BLM: variants seen among roughly 807,000 people sequenced by gnomAD.
BLM encodes the protein recQ-like DNA helicase BLM.
Under a neutral mutation model 135.3 loss-of-function variants are expected in BLM, and 95 were observed. The observed-to-expected ratio is 0.70, with a 90% CI of 0.59 to 0.83. BLM has a LOEUF of 0.83. BLM is among the 40% of genes least tolerant of loss of function. The pLI, the probability that BLM is intolerant of heterozygous loss-of-function variation, is 0.00. For synonymous variants in BLM, 520 were observed against 589.2 expected, an observed-to-expected ratio of 0.88 and a Z score of 1.70; for missense variants, 1,518 against 1,663.9, an observed-to-expected ratio of 0.91 and a Z score of 1.53.
rs919106436 is a variant in BLM, at chr15:90,815,304, C to T, written c.*25C>T. On this transcript the variant is annotated 3_prime_UTR_variant, in exon 22 of 22. Transcript: ENST00000355112. This position sits in a 1 kb window ranked among gnomAD's most constrained non-coding sequence, Gnocchi z 4.6. Reference sequence around the variant, plus strand: ...ACAACCGAATCTCAATGTACATAGACCCTCTTTCTTGTTTGTCAGCATCTG... The same window carrying T: ...ACAACCGAATCTCAATGTACATAGATCCTCTTTCTTGTTTGTCAGCATCTG... 2 of 1,607,852 alleles carry T rather than the reference C, an allele frequency of 1.2e-6. No individual in the cohort carries two copies. Among genetic ancestry groups the T allele is most frequent in the Middle Eastern group, 1.7e-4 (1 of 6,058 alleles).
chr15:90,765,211 T>C, intron 8 of BLM, 85 bp from the exon 9 acceptor site: 5 of 1,098,986 alleles, frequency 4.5e-6, no homozygotes, highest in East Asian at 2.4e-5. Context: ...TGGTGTCCTA[T>C]TAATGATATG....
Position 90,760,235 on chromosome 15 carries a change from A to G in BLM, c.1176A>G (p.Lys392=). 6.2e-7 allele frequency: 1 copy of G among 1,614,112 alleles called. No individual in the cohort carries two copies. The highest frequency in any genetic ancestry group is 8.5e-7 in the Non-Finnish European group (1 of 1,180,008). Residue 392 remains lysine (K), a synonymous_variant, in exon 6 of 22, where the codon AAA becomes AAG. Coordinates refer to ENST00000355112, the MANE Select transcript of BLM (RefSeq NM_000057.4). ...LIDTIPDDKL[K]LLDCGNELLQ... ...ATACTATTCCTGATGATAAACTGAA[A>G]CTTTTGGATTGTGGGAACGAACTGC...
chr15:90,815,395 A>T lies in BLM; in HGVS notation c.*116A>T. 1 of 1,119,022 alleles carries T rather than the reference A, an allele frequency of 8.9e-7. No individual in the cohort carries two copies. Among genetic ancestry groups the T allele is most frequent in the Non-Finnish European group, 1.3e-6 (1 of 764,906 alleles). 69.3% of individuals were successfully genotyped at this position (1,119,022 alleles called of 1,614,324 possible). On this transcript the variant is annotated 3_prime_UTR_variant, in exon 22 of 22. Transcript: ENST00000355112. This position sits in a 1 kb window ranked among gnomAD's most constrained non-coding sequence, Gnocchi z 4.6. ...TTGAAGTTTTTACTCGTCTCTATTA[A>T]TATTTAAATAAATGCTGGGGGGTGA...
At chr15:90,753,186 G>C (rs1248913762) in intron 4 of BLM, among the ~76,000 whole-genome samples, 1 of 152,078 alleles carries the variant, frequency 6.6e-6, no homozygotes, top group Non-Finnish European at 1.5e-5. Context: ...AGTATGCTGT[G>C]ATTATGCCTG....
Position 90,763,004 on chromosome 15 carries a change from C to A in BLM, c.1921C>A (p.His641Asn). The change falls in exon 8 of 22, where the codon CAT becomes AAT. Residue 641 changes from histidine (H) to asparagine (N), a missense_variant. Physicochemically the swap from His to Asn is moderately conservative, Grantham distance 68. Transcript: ENST00000355112. ...AQNLASRNLK[H>N]ERFQSLSFPH... is the part of the protein sequence containing the mutation. ...AAATTTAGCATCCAGAAATCTGAAACATGAGCGTTTCCAAAGTCTTAGTTT... is the reference window on the plus strand; with the variant it reads ...AAATTTAGCATCCAGAAATCTGAAAAATGAGCGTTTCCAAAGTCTTAGTTT... The A allele has an allele frequency of 1.2e-6, 2 of 1,613,556 alleles. No homozygotes were observed. The highest frequency in any genetic ancestry group is 1.7e-6 in the Non-Finnish European group (2 of 1,179,870).
At chr15:90,730,095 C>G (rs1448741218) in intron 1 of BLM, among the ~76,000 whole-genome samples, 1 of 152,044 alleles carries the variant, frequency 6.6e-6, no homozygotes, top group Non-Finnish European at 1.5e-5. Context: ...ACCTCGTGAT[C>G]CACCCACCTC....
At chr15:90,729,163 A>T (rs1230186983) in intron 1 of BLM, among the ~76,000 whole-genome samples, 2 of 152,104 alleles carry the variant, frequency 1.3e-5, no homozygotes, top group Non-Finnish European at 2.9e-5. Flanking sequence ...TACAAAAATT[A>T]GCCAGGCATG....
chr15:90,763,019 A>G lies in BLM; in HGVS notation c.1936A>G (p.Ser646Gly), dbSNP rs370293537. ...SRNLKHERFQ[S>G]LSFPHTKEMM... ...AAATCTGAAACATGAGCGTTTCCAA[A>G]GTCTTAGTTTTCCTCATACAAAGGA... The change falls in exon 8 of 22, where the codon AGT (serine) becomes GGT (glycine). Residue 646 changes from serine to glycine, a missense_variant. Transcript: ENST00000355112. 144 of 1,613,330 alleles carry G rather than the reference A, an allele frequency of 8.9e-5. No homozygotes were observed. The highest frequency in any genetic ancestry group is 1.2e-4 in the Non-Finnish European group (140 of 1,179,856).
intron 15 of BLM, among the ~76,000 whole-genome samples, chr15:90,793,008 G>A (rs1317251347): frequency 3.2e-4 from 46 of 143,432 alleles, no homozygotes; most frequent in African/African-American, 1.0e-3. Context: ...TTGGGAGGCC[G>A]AGGCCAAAAA....
At chr15:90,739,101 A>G (rs1271607851) in intron 1 of BLM, among the ~76,000 whole-genome samples, 1 of 152,170 alleles carries the variant, frequency 6.6e-6, no homozygotes, top group South Asian at 2.1e-4. Context: ...TTCAGCCTTA[A>G]AAAGGAAGGA....
intron 14 of BLM, among the ~76,000 whole-genome samples, chr15:90,786,028 G>T: frequency 7.2e-6 from 1 of 138,210 alleles, no homozygotes; most frequent in African/African-American, 2.7e-5. Flanking sequence ...TTTTGAGACA[G>T]GGTCTTACTC....
chr15:90,735,802 C>T (rs1166878718), intron 1 of BLM, among the ~76,000 whole-genome samples: 1 of 151,762 alleles, frequency 6.6e-6, no homozygotes, highest in Non-Finnish European at 1.5e-5. Flanking sequence ...CATTGAAAAG[C>T]AAATTCTTGA....
Position 90,809,276 on chromosome 15 carries a change from GT to G in BLM, c.3874+18del, listed in dbSNP as rs760501703. 2.6e-5 allele frequency: 42 copies of G among 1,614,026 alleles called. No homozygotes were observed. Among genetic ancestry groups the G allele is most frequent in the Non-Finnish European group, 3.3e-5 (39 of 1,180,022 alleles). The stretch of plus-strand genomic sequence containing the variant: ...CATCGCCAGGTTAGTACACAGCCAT[GT>G]GTGTTCTCTAAAAGCCTGTTTAATG... On this transcript the variant is annotated intron_variant, in intron 20 of 21. Transcript: ENST00000355112.
chr15:90,759,521 G>A (rs1052291717), intron 5 of BLM, among the ~76,000 whole-genome samples: 1 of 152,130 alleles, frequency 6.6e-6, no homozygotes. Flanking sequence ...TTGAGCCCAA[G>A]AGTTTGAGGG....
At position 90,760,264 on chromosome 15, in the gene BLM, A is replaced by T. The variant is rs1317810142; in HGVS notation, c.1205A>T (p.Gln402Leu). The change falls in exon 6 of 22, where the codon CAG (glutamine) becomes CTG (leucine). Residue 402 changes from glutamine (Q) to leucine (L), a missense_variant. This residue lies in a region of BLM where 724 missense variants were observed against 756.9 expected (regional missense o/e 0.96). Coordinates refer to ENST00000355112, the MANE Select transcript of BLM (RefSeq NM_000057.4). ...TTGGATTGTGGGAACGAACTGCTTC[A>T]GCAGCGGAACATAAGGTATCTTAAT... Reference protein sequence around the residue: ...KLLDCGNELLQQRNIRRKLLT... With the variant: ...KLLDCGNELLLQRNIRRKLLT... 3 of 1,614,050 alleles carry T rather than the reference A, an allele frequency of 1.9e-6. No individual in the cohort carries two copies. The highest frequency in any genetic ancestry group is 2.7e-5 in the African/African-American group (2 of 74,930).
chr15:90,808,029 T>G (rs752995331), intron 19 of BLM, among the ~76,000 whole-genome samples: 30 of 152,224 alleles, frequency 2.0e-4, no homozygotes, highest in African/African-American at 7.0e-4. Context: ...TGAAATTTGG[T>G]ATTTTATGAT....
intron 4 of BLM, 117 bp from the exon 5 acceptor site, chr15:90,754,694 C>A: frequency 8.5e-7 from 1 of 1,175,228 alleles, no homozygotes; most frequent in South Asian, 1.5e-5. Context: ...AAAACTACTT[C>A]TCTTTTCTGT....
chr15:90,793,856 G>C (rs8027126), intron 15 of BLM: 2 of 181,586 alleles, frequency 1.1e-5, no homozygotes, highest in Non-Finnish European at 2.3e-5. Context: ...CTCAGGCTCT[G>C]CTTCCTCAGG....
Position 90,760,688 on chromosome 15 carries a change from A to G in BLM, c.1315A>G (p.Met439Val), listed in dbSNP as rs201231857. 200 of 1,613,970 alleles carry G rather than the reference A, an allele frequency of 1.2e-4. 1 individual carries two copies. Among genetic ancestry groups the G allele is most frequent in the Admixed American group, 6.7e-5 (4 of 60,012 alleles). The change falls in exon 7 of 22, where the codon ATG becomes GTG. Residue 439 changes from methionine (M) to valine (V), a missense_variant. Met to Val is a conservative substitution (Grantham distance 21). Around this residue, in one of 5 missense-constraint regions of BLM, gnomAD observed 724 missense variants for 756.9 expected, o/e 0.96. Coordinates refer to ENST00000355112, the MANE Select transcript of BLM (RefSeq NM_000057.4). ...CAGGCCTGATTCACTTGATGGCCCTATGGAGGGTGATTCCTGCCCTACAGG... is the reference window on the plus strand; with the variant it reads ...CAGGCCTGATTCACTTGATGGCCCTGTGGAGGGTGATTCCTGCCCTACAGG... ...RYRPDSLDGPMEGDSCPTGNS... is the reference protein window; with the variant it reads ...RYRPDSLDGPVEGDSCPTGNS...
Sources: gnomAD v4.1 joint callset for allele counts (sites outside exome capture counted in the v4.1 genomes callset) on GRCh38, gnomAD v4.1.1 for gene constraint, gnomAD v4.1.1 regional missense constraint, Gnocchi (gnomAD v3.1) non-coding constraint, MANE v1.5 for transcripts, NCBI Gene and HGNC (gene_info 2026-07-23, HGNC 2026-07-21) for gene names.